Variants in PRICKLE2 observed in about 807,000 individuals in gnomAD.
The protein encoded by PRICKLE2 is prickle-like protein 2.
Under a neutral mutation model 81.4 loss-of-function variants are expected in PRICKLE2, and 21 were observed. The ratio of observed to expected loss-of-function variants is 0.26; its 90% CI spans 0.18 to 0.37. The LOEUF is 0.37. Ranked by LOEUF, PRICKLE2 falls within the 10% of genes least tolerant of loss-of-function variation. The pLI is 1.00. For synonymous variants in PRICKLE2, 456 were observed against 421.5 expected (o/e 1.08, Z -1.00); for missense variants, 940 against 1,109.0 (o/e 0.85, Z 2.16).
intron 7 of PRICKLE2, among the ~76,000 whole-genome samples, chr3:64,126,421 C>T (rs1037422597): frequency 5.9e-5 from 9 of 152,168 alleles, no homozygotes; most frequent in Non-Finnish European, 1.0e-4. Context: ...TCTCAACCCA[C>T]ACCTCTACCT....
At chr3:64,246,571 T>C (rs2079358142) in intron 2 of PRICKLE2, among the ~76,000 whole-genome samples, 1 of 152,228 alleles carries the variant, frequency 6.6e-6, no homozygotes, top group Admixed American at 6.5e-5. Context: ...TCTGGAAGGC[T>C]TGTTAAATAC....
intron 2 of PRICKLE2, among the ~76,000 whole-genome samples, chr3:64,180,846 T>G (rs6801452): frequency 0.22 from 33,301 of 152,118 alleles, 3,903 homozygotes; most frequent in African/African-American, 0.26. Context: ...TGATTTTTAT[T>G]ACGTGTTGGG....
chr3:64,243,335 T>C, intron 2 of PRICKLE2, among the ~76,000 whole-genome samples: 1 of 152,368 alleles, frequency 6.6e-6, no homozygotes, highest in South Asian at 2.1e-4. Flanking sequence ...GCAGTACCCA[T>C]GACCTATATC....
chr3:64,207,310 T>C (rs2078703857), intron 1 of PRICKLE2, among the ~76,000 whole-genome samples: 1 of 152,172 alleles, frequency 6.6e-6, no homozygotes, highest in Non-Finnish European at 1.5e-5. Context: ...ACTATACAAC[T>C]AATGTAGAAA....
chr3:64,226,158 T>A (rs533231172), upstream of PRICKLE2, among the ~76,000 whole-genome samples: 1 of 152,282 alleles, frequency 6.6e-6, no homozygotes. Context: ...TCTCCTCATT[T>A]TACAGATTAG....
At chr3:64,201,961 G>A (rs574180161) in intron 1 of PRICKLE2, among the ~76,000 whole-genome samples, 1 of 152,236 alleles carries the variant, frequency 6.6e-6, no homozygotes, top group East Asian at 1.9e-4. Flanking sequence ...TGGCTATCCA[G>A]TTCTTTCAGC....
chr3:64,211,265 T>G (rs1341455801), intron 1 of PRICKLE2, among the ~76,000 whole-genome samples: 1 of 152,204 alleles, frequency 6.6e-6, no homozygotes, highest in African/African-American at 2.4e-5. Flanking sequence ...GGCAGTCAAC[T>G]TCATTTATTA....
intron 7 of PRICKLE2, among the ~76,000 whole-genome samples, chr3:64,110,210 C>T (rs147710278): frequency 1.2e-3 from 188 of 152,334 alleles, no homozygotes; most frequent in African/African-American, 4.4e-3. Context: ...TGGGTTTACA[C>T]TGACCCCATG....
intron 2 of PRICKLE2, among the ~76,000 whole-genome samples, chr3:64,169,874 G>A (rs1041619003): frequency 3.3e-5 from 5 of 152,158 alleles, no homozygotes; most frequent in African/African-American, 1.2e-4. Flanking sequence ...GTTGTACAGA[G>A]AAGGGAAAGA....
intron 2 of PRICKLE2, among the ~76,000 whole-genome samples, chr3:64,165,963 GGTGTGTGTGTGTGTGTGT>G (rs67554015): frequency 2.7e-3 from 170 of 61,868 alleles, no homozygotes; most frequent in African/African-American, 6.9e-3. Context: ...CTGTTATAAA[GGTGTGTGTGTGTGTGTGT>G]GTGTGTGTGT....
chr3:64,104,286 A>C (rs1196540495), intron 7 of PRICKLE2, among the ~76,000 whole-genome samples: 1 of 152,222 alleles, frequency 6.6e-6, no homozygotes, highest in Non-Finnish European at 1.5e-5. Flanking sequence ...AAGATGATGA[A>C]TGAGTGGTTT....
chr3:64,181,635 C>G (rs1373073491), intron 2 of PRICKLE2, among the ~76,000 whole-genome samples: 4 of 152,142 alleles, frequency 2.6e-5, no homozygotes. Context: ...CTTAACTTTT[C>G]TACCACATGT....
intron 2 of PRICKLE2, among the ~76,000 whole-genome samples, chr3:64,261,388 T>C (rs2079613058): frequency 1.3e-5 from 2 of 152,218 alleles, no homozygotes; most frequent in African/African-American, 4.8e-5. Context: ...AGGAAGGTAC[T>C]GTCACTGAAG....
At chr3:64,125,738 C>G (rs1430736007) in intron 7 of PRICKLE2, among the ~76,000 whole-genome samples, 1 of 152,146 alleles carries the variant, frequency 6.6e-6, no homozygotes, top group Non-Finnish European at 1.5e-5. Flanking sequence ...CATTGGGAAA[C>G]CAAAAAATTT....
chr3:64,183,243 T>C (rs2078165220), intron 2 of PRICKLE2, among the ~76,000 whole-genome samples: 1 of 152,188 alleles, frequency 6.6e-6, no homozygotes, highest in Admixed American at 6.5e-5. Context: ...AATAGATCCT[T>C]GGTCATTTCA....
At position 64,093,443 on chromosome 3, in the gene PRICKLE2, G is replaced by A. The variant is rs1430160560; in HGVS notation, c.*5608C>T. 2 of 152,174 alleles carry A rather than the reference G, an allele frequency of 1.3e-5. No homozygotes were observed. The highest frequency in any genetic ancestry group is 4.8e-5 in the African/African-American group (2 of 41,442). 9.4% of individuals were successfully genotyped at this position (152,174 alleles called of 1,614,324 possible). On this transcript the variant is annotated 3_prime_UTR_variant, in exon 8 of 8. Transcript: ENST00000638394. ...ATTTTTTTTGAGGAACTGCCATACTGTTTTCCACAGCACTACATCATTTTA... is the reference window on the plus strand; with the variant it reads ...ATTTTTTTTGAGGAACTGCCATACTATTTTCCACAGCACTACATCATTTTA...
chr3:64,205,093 G>C (rs1262153720), intron 1 of PRICKLE2, among the ~76,000 whole-genome samples: 1 of 93,872 alleles, frequency 1.1e-5, no homozygotes, highest in Non-Finnish European at 2.3e-5. Context: ...AGCAAAGCAG[G>C]ATTTCGTTAA....
intron 2 of PRICKLE2, among the ~76,000 whole-genome samples, chr3:64,233,039 T>C (rs2079128687): frequency 1.3e-5 from 2 of 152,246 alleles, no homozygotes; most frequent in African/African-American, 2.4e-5. Context: ...GGTTGAGTCA[T>C]TGTAACAGAG....
intron 2 of PRICKLE2, among the ~76,000 whole-genome samples, chr3:64,242,135 G>C (rs2079274890): frequency 1.3e-5 from 2 of 152,096 alleles, no homozygotes; most frequent in African/African-American, 2.4e-5. Context: ...CTTATTTGGA[G>C]CCTTCCACCT....
Sources: gnomAD v4.1 joint callset for allele counts (sites outside exome capture counted in the v4.1 genomes callset) on GRCh38, gnomAD v4.1.1 for gene constraint, MANE v1.5 for transcripts, NCBI Gene and HGNC (gene_info 2026-07-23, HGNC 2026-07-21) for gene names.